DAZAP1: variants seen among roughly 807,000 people sequenced by gnomAD.
DAZAP1 encodes DAZ-associated protein 1.
Under a neutral mutation model 60.1 loss-of-function variants are expected in DAZAP1, and 6 were observed. The ratio of observed to expected loss-of-function variants is 0.10; its 90% CI spans 0.05 to 0.20. The LOEUF (loss-of-function observed/expected upper bound fraction) is 0.20, where lower values mean the gene tolerates loss of function less well. Among genes scored for constraint, DAZAP1 ranks in the 10% least tolerant of loss-of-function variants. The pLI is 1.00. For missense variants in DAZAP1, 366 were observed against 560.4 expected (o/e 0.65, Z 3.50); for synonymous variants, 235 against 215.9 (o/e 1.09, Z -0.78).
chr19:1,421,240 C>T lies in DAZAP1; in HGVS notation c.396C>T (p.Tyr132=), dbSNP rs751271616. 2.5e-6 allele frequency: 4 copies of T among 1,614,176 alleles called. No homozygotes were observed. In the South Asian group the frequency reaches 3.3e-5, roughly 13 times the overall value. ...GTGGTGAGACAGAGCTCAGGGAATA[C>T]TTCAAGAAGTTCGGAGTGGTGAGTT... ...HNCGETELRE[Y]FKKFGVVTEV... is the part of the protein sequence containing the mutation. Residue 132 remains tyrosine (Y), a synonymous_variant, in exon 5 of 12, where the codon TAC becomes TAT. Transcript: ENST00000233078.
In DAZAP1 at chr19:1,432,284, T is replaced by G; in HGVS notation, c.872-230T>G. On this transcript the variant is annotated intron_variant, in intron 10 of 11. Coordinates refer to ENST00000233078, the MANE Select transcript of DAZAP1 (RefSeq NM_018959.4). The surrounding 1 kb of genome is among the most constrained non-coding windows in gnomAD (Gnocchi z 4.9). ...TCCGTGAGGAACGAGGTGGCCCTGCTGCAGCTCAGCATCCCGCCACGCTCC... is the reference window on the plus strand; with the variant it reads ...TCCGTGAGGAACGAGGTGGCCCTGCGGCAGCTCAGCATCCCGCCACGCTCC... 1 of 567,532 alleles carries G rather than the reference T, an allele frequency of 1.8e-6. No individual in the cohort carries two copies. 35.2% of individuals were successfully genotyped at this position (567,532 alleles called of 1,614,324 possible). A position where few individuals can be genotyped will look rare whatever the true frequency, so the allele number is the denominator to read the frequency against.
At position 1,433,803 on chromosome 19, in the gene DAZAP1, C is replaced by A; in HGVS notation, c.1049-934C>A. On this transcript the variant is annotated intron_variant, in intron 11 of 11. Transcript: ENST00000233078. The surrounding 1 kb of genome is among the most constrained non-coding windows in gnomAD (Gnocchi z 6.1). ...CACACTTTGTTTACAGTCTTATGGT[C>A]AGGCTGAGCAGTGATGTGGCCTAGG... is the stretch of plus-strand genomic sequence containing the variant. 1 of 1,613,994 alleles carries A rather than the reference C, an allele frequency of 6.2e-7. No homozygotes were observed. The highest frequency in any genetic ancestry group is 1.1e-5 in the South Asian group (1 of 91,074).
rs2083526970 is a variant in DAZAP1 at position 1,434,004 on chromosome 19, A to AGCCCAC, written c.1049-726_1049-721dup. 6.5e-6 allele frequency: 4 copies of AGCCCAC among 617,804 alleles called. No individual in the cohort carries two copies. In the East Asian group the frequency reaches 1.1e-4, roughly 17 times the overall value. 38.3% of individuals were successfully genotyped at this position (617,804 alleles called of 1,614,324 possible). A position where few individuals can be genotyped will look rare whatever the true frequency, so the allele number is the denominator to read the frequency against. Reference sequence around the variant, plus strand: ...AGCGGGCCCAGGATCCCCCAGAGAGAGCCCACGCCCACCTGTGCCCACGTG... The same window carrying AGCCCAC: ...AGCGGGCCCAGGATCCCCCAGAGAGAGCCCACGCCCACGCCCACCTGTGCCCACGTG... On this transcript the variant is annotated intron_variant, in intron 11 of 11. Coordinates refer to ENST00000233078, the MANE Select transcript of DAZAP1 (RefSeq NM_018959.4). The surrounding 1 kb of genome is among the most constrained non-coding windows in gnomAD (Gnocchi z 8.0).
intron 1 of DAZAP1, among the ~76,000 whole-genome samples, chr19:1,409,280 G>T (rs1254483594): frequency 6.6e-6 from 1 of 152,200 alleles, no homozygotes; most frequent in African/African-American, 2.4e-5. Context: ...GCAGGGAAAG[G>T]GCTCCCAGAT....
rs1351021750 is a variant in DAZAP1 at position 1,410,979 on chromosome 19, C to T, written c.29+3177C>T. Among the ~76,000 whole-genome samples, 3 of 152,212 alleles carry T rather than the reference C, an allele frequency of 2.0e-5. No individual in the cohort carries two copies. In the East Asian group the frequency reaches 5.8e-4, roughly 29 times the overall value. ...ATGCAGCTCAGAGCCAGGCCCATGGCAGGTCTCTGGGTTTATTGGGTGGCT... is the reference window on the plus strand; with the variant it reads ...ATGCAGCTCAGAGCCAGGCCCATGGTAGGTCTCTGGGTTTATTGGGTGGCT... On this transcript the variant is annotated intron_variant, in intron 1 of 11. Transcript: ENST00000233078.
chr19:1,425,576 T>C lies in DAZAP1; in HGVS notation c.464-302T>C, dbSNP rs959459707. On this transcript the variant is annotated intron_variant, in intron 6 of 11. Coordinates refer to ENST00000233078, the MANE Select transcript of DAZAP1 (RefSeq NM_018959.4). This position sits in a 1 kb window ranked among gnomAD's most constrained non-coding sequence, Gnocchi z 5.4. ...TCCGCTGCTGTTTTATAAGATGTGC[T>C]CCTTGTTCCAAATCTTTGTGACACG... Among the ~76,000 whole-genome samples the C allele has an allele frequency of 2.0e-5, 3 of 152,202 alleles. No homozygotes were observed. Among genetic ancestry groups the C allele is most frequent in the African/African-American group, 7.2e-5 (3 of 41,448 alleles).
In DAZAP1 at chr19:1,418,473, T is replaced by A; in HGVS notation, c.237+103T>A. ...GACCGATGTTTGCGTTAGAGTATGT[T>A]TGAACGTGGGGTCGATTGGGAAGGA... On this transcript the variant is annotated intron_variant, in intron 3 of 11. Transcript: ENST00000233078. The surrounding 1 kb of genome is among the most constrained non-coding windows in gnomAD (Gnocchi z 5.7). The A allele has an allele frequency of 6.7e-7, 1 of 1,489,422 alleles. No homozygotes were observed. The highest frequency in any genetic ancestry group is 9.3e-7 in the Non-Finnish European group (1 of 1,078,540). The allele number at this position is 1,489,422 out of a possible 1,614,324, so 92.3% of individuals were successfully genotyped here.
In DAZAP1 at chr19:1,433,761, C is replaced by G; in HGVS notation, c.1049-976C>G. On this transcript the variant is annotated intron_variant, in intron 11 of 11. Transcript: ENST00000233078. The surrounding 1 kb of genome is among the most constrained non-coding windows in gnomAD (Gnocchi z 6.1). ...CAGGCCTGGGTTCCTATTCTCCAGC[C>G]CCGCCGGGCTGCGGCCCACACTTTG... 1 of 1,613,940 alleles carries G rather than the reference C, an allele frequency of 6.2e-7. No individual in the cohort carries two copies. The highest frequency in any genetic ancestry group is 8.5e-7 in the Non-Finnish European group (1 of 1,179,890).
rs752051934 is a variant in DAZAP1, at chr19:1,418,410, C to T, written c.237+40C>T. On this transcript the variant is annotated intron_variant, in intron 3 of 11. Transcript: ENST00000233078. This position sits in a 1 kb window ranked among gnomAD's most constrained non-coding sequence, Gnocchi z 5.7. ...GGGAGCTCACACCCGCTCTCTGTCT[C>T]CCCTGTCCTTCCTCTGCTTCATTTT... 4 of 1,601,626 alleles carry T rather than the reference C, an allele frequency of 2.5e-6. No individual in the cohort carries two copies. The highest frequency in any genetic ancestry group is 2.2e-5 in the South Asian group (2 of 90,522).
chr19:1,418,355 G>A lies in DAZAP1; in HGVS notation c.222G>A (p.Thr74=), dbSNP rs201675830. ...VGTVLASRPH[T]LDGRNIDPKP... ...CGGTGCTGGCCAGCAGACCGCACAC[G>A]CTAGATGGCCGAAACGTAAGTGCCC... Residue 74 remains threonine (T), a synonymous_variant, in exon 3 of 12, where the codon ACG becomes ACA. Coordinates refer to ENST00000233078, the MANE Select transcript of DAZAP1 (RefSeq NM_018959.4). This position sits in a 1 kb window ranked among gnomAD's most constrained non-coding sequence, Gnocchi z 5.7. The A allele has an allele frequency of 8.1e-6, 13 of 1,613,320 alleles. No homozygotes were observed. The highest frequency in any genetic ancestry group is 2.7e-5 in the African/African-American group (2 of 74,890).
At chr19:1,421,298 G>A in intron 5 of DAZAP1, 40 bp downstream of exon 5, 2 of 1,578,400 alleles carry the variant, frequency 1.3e-6, no homozygotes, top group Non-Finnish European at 1.7e-6. Context: ...TGGGGACAGA[G>A]CCGCTTCTGC....
chr19:1,408,720 A>AG (rs1252213109), intron 1 of DAZAP1, among the ~76,000 whole-genome samples: 1 of 152,166 alleles, frequency 6.6e-6, no homozygotes, highest in Non-Finnish European at 1.5e-5. Context: ...TGCTGCGCCG[A>AG]GGCGTCCCCT....
In DAZAP1 at chr19:1,415,583, GGGCACAGCCTATGGAGAGTGA is replaced by G. The variant is rs537527171; in HGVS notation, c.30-1890_30-1870del. On this transcript the variant is annotated intron_variant, in intron 1 of 11. Coordinates refer to ENST00000233078, the MANE Select transcript of DAZAP1 (RefSeq NM_018959.4). ...GGCGGGGCTGGCCCTGACTCAGCGCGGGCACAGCCTATGGAGAGTGAGGCACAGCCTATGGAGAGTGAGGCA... is the reference window on the plus strand; with the variant it reads ...GGCGGGGCTGGCCCTGACTCAGCGCGGGCACAGCCTATGGAGAGTGAGGCA... Among the ~76,000 whole-genome samples the G allele has an allele frequency of 2.6e-3, 389 of 151,874 alleles. 2 individuals carry two copies. The highest frequency in any genetic ancestry group is 0.021 in the East Asian group (106 of 5,138).
intron 1 of DAZAP1, 28 bp downstream of exon 1, chr19:1,407,830 C>G: frequency 9.4e-7 from 1 of 1,065,960 alleles, no homozygotes; most frequent in Non-Finnish European, 1.1e-6. Flanking sequence ...GGGCCTGCGT[C>G]TCCGCCCCGA....
rs936311365 is a variant in DAZAP1 at position 1,426,851 on chromosome 19, G to T, written c.546+891G>T. ...GATTCTGACCCGGCCTCCTTGGTGCGGCAGCTTCTCCCGTTAACGGAAGAA... is the reference window on the plus strand; with the variant it reads ...GATTCTGACCCGGCCTCCTTGGTGCTGCAGCTTCTCCCGTTAACGGAAGAA... On this transcript the variant is annotated intron_variant, in intron 7 of 11. Coordinates refer to ENST00000233078, the MANE Select transcript of DAZAP1 (RefSeq NM_018959.4). This position sits in a 1 kb window ranked among gnomAD's most constrained non-coding sequence, Gnocchi z 5.4. 1 of 152,162 alleles carries T rather than the reference G, an allele frequency of 6.6e-6. No individual in the cohort carries two copies. Among genetic ancestry groups the T allele is most frequent in the African/African-American group, 2.4e-5 (1 of 41,418 alleles). 9.4% of individuals were successfully genotyped at this position (152,162 alleles called of 1,614,324 possible).
chr19:1,408,764 G>A (rs890741925), intron 1 of DAZAP1, among the ~76,000 whole-genome samples: 6 of 152,252 alleles, frequency 3.9e-5, no homozygotes, highest in African/African-American at 1.4e-4. Flanking sequence ...GGACCCCGCG[G>A]GGCCGGGAAA....
chr19:1,417,678 G>C (rs2083027667), intron 2 of DAZAP1, 138 bp downstream of exon 2: 1 of 816,030 alleles, frequency 1.2e-6, no homozygotes, highest in Admixed American at 2.9e-5. Context: ...TCTGGGCAGG[G>C]GACAGAGTAA....
chr19:1,429,405 C>T (rs2083385646), intron 8 of DAZAP1, among the ~76,000 whole-genome samples: 1 of 152,228 alleles, frequency 6.6e-6, no homozygotes, highest in Non-Finnish European at 1.5e-5. Flanking sequence ...TGCCACCTGC[C>T]GTTCCCTCTG....
chr19:1,408,723 C>T (rs141144147), intron 1 of DAZAP1, among the ~76,000 whole-genome samples: 127 of 152,342 alleles, frequency 8.3e-4, no homozygotes, highest in African/African-American at 2.8e-3. Flanking sequence ...TGCGCCGAGG[C>T]GTCCCCTCCT....
Sources: gnomAD v4.1 joint callset for allele counts (sites outside exome capture counted in the v4.1 genomes callset) on GRCh38, gnomAD v4.1.1 for gene constraint, Gnocchi (gnomAD v3.1) non-coding constraint, MANE v1.5 for transcripts, NCBI Gene and HGNC (gene_info 2026-07-23, HGNC 2026-07-21) for gene names.